The following NTRK3 variants were observed in gnomAD, a reference collection of about 807,000 sequenced individuals.
NTRK3 encodes neurotrophic receptor tyrosine kinase 3.
NTRK3 carries 24 observed loss-of-function variants against 91.7 expected under a neutral mutation model. The observed-to-expected ratio is 0.26, with a 90% CI of 0.19 to 0.37. The LOEUF (loss-of-function observed/expected upper bound fraction) is 0.37, where lower values mean the gene tolerates loss of function less well. Among genes scored for constraint, NTRK3 ranks in the 10% least tolerant of loss-of-function variants. NTRK3 has a pLI of 1.00. For synonymous variants in NTRK3, 483 were observed against 404.0 expected, an observed-to-expected ratio of 1.20 and a Z score of -2.34; for missense variants, 880 against 1,068.9, an observed-to-expected ratio of 0.82 and a Z score of 2.46.
intron 3 of NTRK3, among the ~76,000 whole-genome samples, chr15:88,238,337 G>A (rs1162745758): frequency 6.6e-6 from 1 of 151,756 alleles, no homozygotes; most frequent in Non-Finnish European, 1.5e-5. Context: ...TATCGCTTAG[G>A]GCTTCTAAAG....
chr15:88,182,241 A>G (rs972686832), intron 5 of NTRK3, among the ~76,000 whole-genome samples: 1 of 152,190 alleles, frequency 6.6e-6, no homozygotes, highest in African/African-American at 2.4e-5. Context: ...ACAAATATTT[A>G]TCAAGCACTC....
At chr15:87,874,127 A>T (rs572201355) in exon 19 of NTRK3, 3 of 229,144 alleles carry the variant, frequency 1.3e-5, no homozygotes, top group African/African-American at 4.4e-5. Flanking sequence ...GTGTCCCAGT[A>T]CATGCCACAC....
At chr15:88,225,974 C>CT (rs1044732763) in intron 3 of NTRK3, among the ~76,000 whole-genome samples, 23 of 152,296 alleles carry the variant, frequency 1.5e-4, no homozygotes, top group African/African-American at 5.5e-4. Context: ...GATGGCCCTT[C>CT]TAAAGGGCCG....
At chr15:88,198,044 TA>T (rs2141238235) in intron 3 of NTRK3, among the ~76,000 whole-genome samples, 1 of 152,250 alleles carries the variant, frequency 6.6e-6, no homozygotes, top group African/African-American at 2.4e-5. Flanking sequence ...ATAGTGTTTG[TA>T]AAAAGCCCTA....
At chr15:87,939,664 A>T (rs1166023293) in intron 15 of NTRK3, among the ~76,000 whole-genome samples, 1 of 152,186 alleles carries the variant, frequency 6.6e-6, no homozygotes. Context: ...ACGGGGAGCC[A>T]TATCTCTGGC....
exon 16 of NTRK3, chr15:87,933,108 T>G (rs1236837453): frequency 6.2e-7 from 1 of 1,614,120 alleles, no homozygotes; most frequent in Non-Finnish European, 8.5e-7. Flanking sequence ...GACAATGTGC[T>G]CATGCTGCAG....
At chr15:88,127,317 G>A in intron 11 of NTRK3, 91 bp from the exon 12 acceptor site, 1 of 1,045,550 alleles carries the variant, frequency 9.6e-7, no homozygotes, top group Admixed American at 1.9e-5. Context: ...AAGCTCCCTT[G>A]AGACTTCCCC....
rs1388675477 is a variant in NTRK3 at position 87,887,609 on chromosome 15, C to T, written c.2134-7181G>A. ...AATTTCCTTATTTCCCATAAAAATC[C>T]ATGCTGATCTTCCTCCAAGGTGACC... On this transcript the variant is annotated intron_variant, in intron 17 of 18. Transcript: ENST00000394480. 2.6e-5 allele frequency among the ~76,000 whole-genome samples: 4 copies of T among 152,144 alleles called. No homozygotes were observed. In the East Asian group the frequency reaches 7.7e-4, roughly 29 times the overall value.
chr15:87,967,665 T>C (rs2141248553), intron 14 of NTRK3, among the ~76,000 whole-genome samples: 1 of 152,346 alleles, frequency 6.6e-6, no homozygotes, highest in South Asian at 2.1e-4. Context: ...GCTGAGTCTC[T>C]TCAATCAACC....
At chr15:87,915,708 G>C (rs1194032179) in intron 17 of NTRK3, among the ~76,000 whole-genome samples, 1 of 152,110 alleles carries the variant, frequency 6.6e-6, no homozygotes, top group East Asian at 1.9e-4. Context: ...TAAAATTTCT[G>C]ATATATAATT....
At chr15:87,876,817 G>T in exon 19 of NTRK3, 2 of 1,198,036 alleles carry the variant, frequency 1.7e-6, no homozygotes, top group Non-Finnish European at 2.5e-6. Flanking sequence ...GCAGGCACTT[G>T]AGTTTATATG....
At chr15:88,109,328 G>C (rs544886261) in intron 13 of NTRK3, among the ~76,000 whole-genome samples, 1 of 152,252 alleles carries the variant, frequency 6.6e-6, no homozygotes, top group South Asian at 2.1e-4. Flanking sequence ...GAGAGAAGAG[G>C]GGACAGCGTC....
chr15:87,862,190 C>G (rs2064547079), exon 19 of NTRK3: 1 of 221,302 alleles, frequency 4.5e-6, no homozygotes, highest in Non-Finnish European at 9.0e-6. Context: ...CAAGTGTGAG[C>G]ACTGGAATGA....
chr15:87,932,658 A>C (rs1369425), intron 16 of NTRK3, among the ~76,000 whole-genome samples: 38,820 of 152,036 alleles, frequency 0.26, 5,019 homozygotes, highest in African/African-American at 0.31. Context: ...AAAGGGAGAA[A>C]GCTATTTGCA....
At chr15:88,061,003 G>GA (rs1165521737) in intron 13 of NTRK3, among the ~76,000 whole-genome samples, 11 of 150,228 alleles carry the variant, frequency 7.3e-5, no homozygotes, top group Non-Finnish European at 1.0e-4. Flanking sequence ...TCTTCACTAA[G>GA]AAAAAAAAGT....
exon 19 of NTRK3, chr15:87,865,049 T>C (rs1465403917): frequency 4.2e-5 from 9 of 213,964 alleles, no homozygotes; most frequent in Middle Eastern, 1.4e-3. Context: ...GTCATCAAGA[T>C]TGCCTCTGTA....
intron 14 of NTRK3, among the ~76,000 whole-genome samples, chr15:88,020,513 G>C (rs2077525669): frequency 6.6e-6 from 1 of 152,242 alleles, no homozygotes; most frequent in Non-Finnish European, 1.5e-5. Flanking sequence ...CATCAAGCTG[G>C]TTTCCCCCAA....
intron 17 of NTRK3, among the ~76,000 whole-genome samples, chr15:87,886,676 C>CTATATATATTTATATATATATA (rs2065555969): frequency 9.9e-6 from 1 of 101,202 alleles, no homozygotes; most frequent in African/African-American, 4.1e-5. Context: ...CCACTTTTTG[C>CTATATATATTTATATATATATA]TATATATATA....
chr15:88,168,711 A>G (rs2045228571), intron 5 of NTRK3, among the ~76,000 whole-genome samples: 1 of 143,926 alleles, frequency 6.9e-6, no homozygotes, highest in African/African-American at 2.7e-5. Flanking sequence ...GGACAAAAGA[A>G]CCAAGGTGCC....
Sources: allele counts gnomAD v4.1 joint callset (sites outside exome capture counted in the v4.1 genomes callset), GRCh38; gene constraint gnomAD v4.1.1; transcripts MANE v1.5; gene names NCBI Gene and HGNC (gene_info 2026-07-23, HGNC 2026-07-21).